Variants in PPP3CA observed in about 807,000 individuals in gnomAD.
PPP3CA encodes protein phosphatase 3 catalytic subunit alpha.
Under a neutral mutation model 66.5 loss-of-function variants are expected in PPP3CA, and 14 were observed. The ratio of observed to expected loss-of-function variants is 0.21; its 90% confidence interval spans 0.14 to 0.33. The LOEUF (loss-of-function observed/expected upper bound fraction) is 0.33. PPP3CA is among the 10% of genes least tolerant of loss of function. PPP3CA has a pLI of 1.00. For synonymous variants in PPP3CA, 232 were observed against 226.2 expected, an observed-to-expected ratio of 1.03 and a Z score of -0.23; for missense variants, 317 against 639.5, an observed-to-expected ratio of 0.50 and a Z score of 5.44.
At chr4:101,330,310 TA>T (rs750272935) in intron 1 of PPP3CA, 1 of 442,492 alleles carries the variant, frequency 2.3e-6, no homozygotes, top group South Asian at 1.7e-5. Context: ...TTTTAATGGA[TA>T]AGGAGTTGCT....
intron 5 of PPP3CA, among the ~76,000 whole-genome samples, chr4:101,095,473 A>T (rs1195342850): frequency 6.6e-6 from 1 of 152,230 alleles, no homozygotes; most frequent in Non-Finnish European, 1.5e-5. Context: ...TTTTCTGGCC[A>T]TGTGCAGAGC....
At chr4:101,072,818 C>T in intron 8 of PPP3CA, among the ~76,000 whole-genome samples, 1 of 151,336 alleles carries the variant, frequency 6.6e-6, no homozygotes. Flanking sequence ...TGCCTGTAGT[C>T]CCAGCTACTC....
chr4:101,324,711 TA>T (rs773514311), intron 1 of PPP3CA, among the ~76,000 whole-genome samples: 2 of 151,012 alleles, frequency 1.3e-5, no homozygotes, highest in African/African-American at 2.4e-5. Context: ...AAAAAGACAA[TA>T]AACTTTGGGG....
At chr4:101,219,412 T>C (rs929047662) in intron 1 of PPP3CA, among the ~76,000 whole-genome samples, 19 of 151,950 alleles carry the variant, frequency 1.3e-4, no homozygotes, top group Non-Finnish European at 5.9e-5. Flanking sequence ...TTGTGAATAA[T>C]ATTAAAAACT....
intron 1 of PPP3CA, among the ~76,000 whole-genome samples, chr4:101,327,946 A>T (rs1488700995): frequency 4.6e-5 from 7 of 152,214 alleles, no homozygotes; most frequent in Non-Finnish European, 8.8e-5. Flanking sequence ...ACCAAAAAAA[A>T]TATATTTGAA....
At chr4:101,247,156 TC>T (rs869267858) in intron 1 of PPP3CA, among the ~76,000 whole-genome samples, 1 of 151,922 alleles carries the variant, frequency 6.6e-6, no homozygotes, top group Non-Finnish European at 1.5e-5. Flanking sequence ...TTTTCTTTTT[TC>T]CTTTTCGTTT....
At chr4:101,139,707 T>G (rs1298569035) in intron 2 of PPP3CA, among the ~76,000 whole-genome samples, 1 of 149,934 alleles carries the variant, frequency 6.7e-6, no homozygotes, top group Non-Finnish European at 1.5e-5. Context: ...TTTTTTTTTT[T>G]TTTTTTTTTT....
intron 2 of PPP3CA, among the ~76,000 whole-genome samples, chr4:101,120,382 C>A (rs1471700263): frequency 6.6e-6 from 1 of 151,944 alleles, no homozygotes; most frequent in African/African-American, 2.4e-5. Context: ...AACAATGGTA[C>A]TGAAAAGCAT....
At chr4:101,173,910 G>C (rs902017576) in intron 2 of PPP3CA, among the ~76,000 whole-genome samples, 8 of 151,996 alleles carry the variant, frequency 5.3e-5, no homozygotes, top group African/African-American at 1.9e-4. Flanking sequence ...AAATTAGCTG[G>C]GAATGGTGGT....
intron 2 of PPP3CA, among the ~76,000 whole-genome samples, chr4:101,123,610 C>T (rs749216123): frequency 1.3e-4 from 20 of 152,058 alleles, no homozygotes; most frequent in Admixed American, 9.2e-4. Context: ...GTGGGCAGAT[C>T]GCTTGAGCCT....
intron 1 of PPP3CA, among the ~76,000 whole-genome samples, chr4:101,319,317 T>G (rs1035335712): frequency 2.0e-5 from 3 of 152,246 alleles, no homozygotes; most frequent in Admixed American, 1.3e-4. Flanking sequence ...CTAAGTTTTA[T>G]TTTAACCTAT....
chr4:101,286,893 A>G (rs921290939), intron 1 of PPP3CA, among the ~76,000 whole-genome samples: 2 of 152,160 alleles, frequency 1.3e-5, no homozygotes, highest in Non-Finnish European at 2.9e-5. Context: ...CTCTCACAAG[A>G]AAGTACATTA....
Position 101,091,349 on chromosome 4 carries a change from A to G in PPP3CA, c.782+2427T>C, listed in dbSNP as rs77045546. The stretch of plus-strand genomic sequence containing the variant: ...ATAAAAGATTACTCCCAAATTAATT[A>G]CTGAAAATAAATTTTAGCCTTTTCA... On this transcript the variant is annotated intron_variant, in intron 6 of 13. Transcript: ENST00000394854. Among the ~76,000 whole-genome samples, 42 of 152,316 alleles carry G rather than the reference A, an allele frequency of 2.8e-4. No individual in the cohort carries two copies. The East Asian group carries it at 7.5e-3, about 27-fold the overall frequency.
At chr4:101,233,214 G>C (rs1336378705) in intron 1 of PPP3CA, among the ~76,000 whole-genome samples, 1 of 151,746 alleles carries the variant, frequency 6.6e-6, no homozygotes, top group Non-Finnish European at 1.5e-5. Context: ...GAGTGTACTA[G>C]TAAGAAGAAT....
chr4:101,106,430 A>G (rs989837073), intron 3 of PPP3CA, among the ~76,000 whole-genome samples: 1 of 13,568 alleles, frequency 7.4e-5, no homozygotes, highest in Non-Finnish European at 1.6e-4. Context: ...AGAAAGAAAG[A>G]AAGAAAGAAA....
chr4:101,097,873 C>T (rs1730268582), intron 5 of PPP3CA, among the ~76,000 whole-genome samples: 1 of 152,164 alleles, frequency 6.6e-6, no homozygotes, highest in African/African-American at 2.4e-5. Context: ...CAGTTTTTCA[C>T]TCAGCCACTC....
At chr4:101,243,158 C>T (rs1016022246) in intron 1 of PPP3CA, among the ~76,000 whole-genome samples, 2 of 152,190 alleles carry the variant, frequency 1.3e-5, no homozygotes, top group African/African-American at 4.8e-5. Flanking sequence ...TCCACTCCTG[C>T]TTTTTCATTC....
At position 101,273,829 on chromosome 4, in the gene PPP3CA, C is replaced by T. The variant is rs191799317; in HGVS notation, c.58+72910G>A. The stretch of plus-strand genomic sequence containing the variant: ...CCTCCTCTACAGAAGTAAAATAAAA[C>T]GGTCAACATTGCAAATAAAAATAAA... On this transcript the variant is annotated intron_variant, in intron 1 of 13. Transcript: ENST00000394854. Among the ~76,000 whole-genome samples the T allele has an allele frequency of 3.2e-3, 479 of 151,730 alleles. 1 individual carries two copies. The highest frequency in any genetic ancestry group is 0.011 in the African/African-American group (443 of 41,346).
chr4:101,207,204 C>T (rs1483012720), intron 1 of PPP3CA, among the ~76,000 whole-genome samples: 1 of 152,152 alleles, frequency 6.6e-6, no homozygotes, highest in Non-Finnish European at 1.5e-5. Flanking sequence ...CTGCTAACAT[C>T]CTAAAACACT....
Sources: allele counts gnomAD v4.1 joint callset (sites outside exome capture counted in the v4.1 genomes callset), GRCh38; gene constraint gnomAD v4.1.1; transcripts MANE v1.5; gene names NCBI Gene and HGNC (gene_info 2026-07-23, HGNC 2026-07-21).